Variants in ADGRL2 observed in about 807,000 individuals in gnomAD.
ADGRL2 encodes the protein adhesion G protein-coupled receptor L2.
In ADGRL2, 44 loss-of-function variants were observed where a neutral mutation model predicts 157.4. That is an observed-to-expected ratio of 0.28 (90% CI 0.22 to 0.36). The LOEUF (loss-of-function observed/expected upper bound fraction) is 0.36, where lower values mean the gene tolerates loss of function less well. ADGRL2 is among the 10% of genes least tolerant of loss of function. The probability of loss-of-function intolerance (pLI) is 1.00; values close to 1 mark genes in which losing one functional copy is unlikely to be tolerated. For synonymous variants in ADGRL2, 585 were observed against 624.7 expected (o/e 0.94, Z 0.95); for missense variants, 1,510 against 1,768.9 (o/e 0.85, Z 2.63).
chr1:81,803,914 A>G lies in ADGRL2; in HGVS notation c.-101+2846A>G, dbSNP rs193081353. ...TCCCACCGAGTTTGCTCTTTGCTCA[A>G]CGAAGTTGCACAATGAAGAAAGTCA... On this transcript the variant is annotated intron_variant, in intron 1 of 23. Coordinates refer to ENST00000686636, the MANE Select transcript of ADGRL2 (RefSeq NM_001366006.2). 3.5e-3 allele frequency among the ~76,000 whole-genome samples: 527 copies of G among 152,330 alleles called. 4 individuals are homozygous for G. The highest frequency in any genetic ancestry group is 5.6e-3 in the Non-Finnish European group (383 of 68,040).
intron 1 of ADGRL2, among the ~76,000 whole-genome samples, chr1:81,328,642 C>T (rs943446165): frequency 7.2e-5 from 11 of 152,040 alleles, no homozygotes; most frequent in African/African-American, 2.7e-4. Flanking sequence ...ATAAACAGTG[C>T]ATCTTTCCAC....
intron 1 of ADGRL2, among the ~76,000 whole-genome samples, chr1:81,421,286 T>C (rs1392461569): frequency 6.6e-6 from 1 of 152,202 alleles, no homozygotes; most frequent in Non-Finnish European, 1.5e-5. Context: ...TTGATCCTCA[T>C]CTTACTTATG....
At chr1:81,456,158 G>A (rs1047324437) in intron 2 of ADGRL2, among the ~76,000 whole-genome samples, 1 of 152,116 alleles carries the variant, frequency 6.6e-6, no homozygotes, top group Non-Finnish European at 1.5e-5. Flanking sequence ...GTGGGTCTCA[G>A]TTTACTTAGG....
chr1:81,374,578 GA>G (rs71242588), intron 1 of ADGRL2, among the ~76,000 whole-genome samples: 5 of 130,266 alleles, frequency 3.8e-5, no homozygotes, highest in Admixed American at 8.1e-5. Context: ...TCTCAAAAAA[GA>G]AAAAAAAAAC....
chr1:81,855,589 C>T (rs542979192), intron 2 of ADGRL2, among the ~76,000 whole-genome samples: 1 of 151,726 alleles, frequency 6.6e-6, no homozygotes, highest in South Asian at 2.1e-4. Flanking sequence ...TCCTTGCAAG[C>T]AGGAAGTTAT....
intron 1 of ADGRL2, among the ~76,000 whole-genome samples, chr1:81,828,764 CAT>C (rs926286076): frequency 7.2e-5 from 11 of 152,092 alleles, no homozygotes; most frequent in African/African-American, 2.7e-4. Flanking sequence ...AGCACTAAAA[CAT>C]AAATTTTAAT....
rs140098744 is a variant in ADGRL2 at position 81,722,712 on chromosome 1, G to T, written c.-143+22904G>T. 5.1e-6 allele frequency: 5 copies of T among 977,730 alleles called. No homozygotes were observed. The African/African-American group carries it at 6.4e-5, about 12-fold the overall frequency. The allele number at this position is 977,730 out of a possible 1,614,324, so 60.6% of individuals were successfully genotyped here. The stretch of plus-strand genomic sequence containing the variant: ...TTGCAGAAGAAAGTATGAGCGAAAC[G>T]TGAAGAGCGAGAGATCAAAGAATAG... On this transcript the variant is annotated intron_variant, in intron 1 of 20. Coordinates refer to the ADGRL2 transcript ENST00000359929.
intron 1 of ADGRL2, among the ~76,000 whole-genome samples, chr1:81,322,184 A>T (rs191426839): frequency 1.5e-4 from 23 of 150,004 alleles, no homozygotes; most frequent in African/African-American, 5.1e-4. Flanking sequence ...GTATATACAT[A>T]TACATATACA....
chr1:81,590,657 C>T (rs1025800185), intron 3 of ADGRL2, among the ~76,000 whole-genome samples: 1 of 152,096 alleles, frequency 6.6e-6, no homozygotes, highest in Non-Finnish European at 1.5e-5. Flanking sequence ...TCCAAGCTCT[C>T]CTAAGGAACA....
rs188653993 is a variant in ADGRL2, at chr1:81,591,679, A to T, written c.-143+10699A>T. ...ACAAAAGTGACGGTACATCACTTCCATTATTAAGCTACATAAGATTGTCAC... is the reference window on the plus strand; with the variant it reads ...ACAAAAGTGACGGTACATCACTTCCTTTATTAAGCTACATAAGATTGTCAC... On this transcript the variant is annotated intron_variant, in intron 3 of 24. Transcript: ENST00000370721. 7.2e-5 allele frequency among the ~76,000 whole-genome samples: 11 copies of T among 152,262 alleles called. No individual in the cohort carries two copies. In the East Asian group the frequency reaches 2.1e-3, roughly 29 times the overall value.
At chr1:81,739,745 A>G (rs75281243) in intron 1 of ADGRL2, among the ~76,000 whole-genome samples, 14,998 of 152,286 alleles carry the variant, frequency 0.098, 858 homozygotes, top group African/African-American at 0.15. Flanking sequence ...CCACAATGCT[A>G]CAGTGTTTCT....
At chr1:81,568,352 C>A (rs1350367299) in intron 2 of ADGRL2, among the ~76,000 whole-genome samples, 1 of 152,092 alleles carries the variant, frequency 6.6e-6, no homozygotes, top group Non-Finnish European at 1.5e-5. Context: ...TTACTCTGAG[C>A]TGAATCAACC....
chr1:81,790,688 T>C (rs2087292705), intron 2 of ADGRL2, among the ~76,000 whole-genome samples: 2 of 152,184 alleles, frequency 1.3e-5, no homozygotes, highest in African/African-American at 2.4e-5. Context: ...AGAAATACTT[T>C]CCATCAGCCA....
chr1:81,968,531 T>C (rs1294372034), intron 14 of ADGRL2, among the ~76,000 whole-genome samples: 1 of 152,166 alleles, frequency 6.6e-6, no homozygotes, highest in African/African-American at 2.4e-5. Context: ...GCCCTTCCCA[T>C]CTTGAATGTT....
intron 3 of ADGRL2, among the ~76,000 whole-genome samples, chr1:81,617,679 TG>T (rs1175374997): frequency 6.6e-6 from 1 of 152,378 alleles, no homozygotes; most frequent in Admixed American, 6.5e-5. Flanking sequence ...GGAACAGAGT[TG>T]GCTTCTTAAT....
At chr1:81,378,071 C>G (rs982319078) in intron 1 of ADGRL2, among the ~76,000 whole-genome samples, 1 of 151,816 alleles carries the variant, frequency 6.6e-6, no homozygotes, top group Middle Eastern at 3.2e-3. Context: ...CCCAGCTACT[C>G]AGGAGGCTGA....
intron 3 of ADGRL2, among the ~76,000 whole-genome samples, chr1:81,919,025 T>C (rs763714873): frequency 4.6e-5 from 7 of 152,164 alleles, no homozygotes; most frequent in Non-Finnish European, 7.4e-5. Flanking sequence ...ACCTTTTTTA[T>C]TTATCAGGTG....
intron 2 of ADGRL2, among the ~76,000 whole-genome samples, chr1:81,497,493 AATCTT>A (rs1434742914): frequency 6.6e-6 from 1 of 152,192 alleles, no homozygotes; most frequent in African/African-American, 2.4e-5. Context: ...AAATAAGTCT[AATCTT>A]ATAGAACAAA....
chr1:81,916,631 T>G (rs916411332), intron 3 of ADGRL2, among the ~76,000 whole-genome samples: 2 of 152,156 alleles, frequency 1.3e-5, no homozygotes, highest in Non-Finnish European at 2.9e-5. Context: ...GCTGTAAAAT[T>G]TCCTATGGCA....
Sources: allele counts gnomAD v4.1 joint callset (sites outside exome capture counted in the v4.1 genomes callset), GRCh38; gene constraint gnomAD v4.1.1; transcripts MANE v1.5; gene names NCBI Gene and HGNC (gene_info 2026-07-23, HGNC 2026-07-21).